Variants in KCNK13 observed in about 807,000 individuals in gnomAD.
KCNK13 encodes potassium two pore domain channel subfamily K member 13.
A neutral mutation model predicts 23.4 loss-of-function variants in KCNK13; 12 were observed. The ratio of observed to expected loss-of-function variants is 0.51; its 90% CI spans 0.33 to 0.83. KCNK13 has a LOEUF of 0.83. KCNK13 is among the 40% of genes least tolerant of loss of function. The pLI, the probability that KCNK13 is intolerant of heterozygous loss-of-function variation, is 0.02. For missense variants in KCNK13, 463 were observed against 556.3 expected (o/e 0.83, Z 1.69); for synonymous variants, 231 against 229.5 (o/e 1.01, Z -0.06).
At chr14:90,101,073 C>T (rs1303748418) in intron 1 of KCNK13, among the ~76,000 whole-genome samples, 1 of 152,130 alleles carries the variant, frequency 6.6e-6, no homozygotes, top group African/African-American at 2.4e-5. Context: ...GGAATTATGT[C>T]ATTCGAGGTA....
chr14:90,117,049 G>A (rs991752254), intron 1 of KCNK13, among the ~76,000 whole-genome samples: 1 of 152,058 alleles, frequency 6.6e-6, no homozygotes. Context: ...CAATAACTAA[G>A]AATAAAATAT....
At position 90,062,585 on chromosome 14, in the gene KCNK13, A is replaced by G; in HGVS notation, c.334+46A>G. On this transcript the variant is annotated intron_variant, in intron 1 of 1. Coordinates refer to ENST00000282146, the MANE Select transcript of KCNK13 (RefSeq NM_022054.4). This position sits in a 1 kb window ranked among gnomAD's most constrained non-coding sequence, Gnocchi z 4.5. The stretch of plus-strand genomic sequence containing the variant: ...CGCTGACAACCTCCGGGCGGCCTCC[A>G]CTTCCTCCGGGGGGCAGGACCGACC... 7.2e-7 allele frequency: 1 copy of G among 1,385,444 alleles called. No individual in the cohort carries two copies. The highest frequency in any genetic ancestry group is 1.5e-5 in the South Asian group (1 of 64,602). 85.8% of individuals were successfully genotyped at this position (1,385,444 alleles called of 1,614,324 possible).
At chr14:90,084,870 G>A (rs1200179267) in intron 1 of KCNK13, among the ~76,000 whole-genome samples, 1 of 152,086 alleles carries the variant, frequency 6.6e-6, no homozygotes. Context: ...CATCTATTGA[G>A]ATGATCATGT....
intron 1 of KCNK13, among the ~76,000 whole-genome samples, chr14:90,081,542 C>T (rs11625897): frequency 0.14 from 21,196 of 152,190 alleles, 1,801 homozygotes; most frequent in South Asian, 0.26. Flanking sequence ...TCATTTTTTA[C>T]ACCTACTGAT....
At chr14:90,086,643 T>TGG (rs1044057899) in intron 1 of KCNK13, among the ~76,000 whole-genome samples, 12 of 152,166 alleles carry the variant, frequency 7.9e-5, no homozygotes, top group Non-Finnish European at 1.6e-4. Context: ...GGAAGACGTC[T>TGG]GGGGGTCCCA....
chr14:90,062,136 C>A lies in KCNK13; in HGVS notation c.-70C>A. The A allele has an allele frequency of 9.5e-7, 1 of 1,052,164 alleles. No homozygotes were observed. Among genetic ancestry groups the A allele is most frequent in the Non-Finnish European group, 1.3e-6 (1 of 799,374 alleles). The allele number at this position is 1,052,164 out of a possible 1,614,324, so 65.2% of individuals were successfully genotyped here. On this transcript the variant is annotated 5_prime_UTR_variant, in exon 1 of 2. Transcript: ENST00000282146. This position sits in a 1 kb window ranked among gnomAD's most constrained non-coding sequence, Gnocchi z 4.5. The stretch of plus-strand genomic sequence containing the variant: ...GCTGAGCGCCGGGGCCCTTATTTCC[C>A]GGGGGTGTGGGCGAGACTCCGCCGA...
At chr14:90,161,777 C>T (rs186895977) in intron 1 of KCNK13, among the ~76,000 whole-genome samples, 113 of 152,118 alleles carry the variant, frequency 7.4e-4, no homozygotes, top group African/African-American at 2.7e-3. Flanking sequence ...TTCTAAAGCT[C>T]ATCAGGAAAA....
chr14:90,084,803 T>C (rs1171177497), intron 1 of KCNK13, among the ~76,000 whole-genome samples: 2 of 152,208 alleles, frequency 1.3e-5, no homozygotes, highest in Non-Finnish European at 2.9e-5. Context: ...CTATTTCTAG[T>C]GTGTTGAATG....
At chr14:90,095,641 T>C (rs1474983126) in intron 1 of KCNK13, among the ~76,000 whole-genome samples, 3 of 152,042 alleles carry the variant, frequency 2.0e-5, no homozygotes, top group Non-Finnish European at 4.4e-5. Context: ...TTTTCTATTC[T>C]CTCAGTCAAC....
chr14:90,091,531 G>C (rs1333064267), intron 1 of KCNK13, among the ~76,000 whole-genome samples: 1 of 152,202 alleles, frequency 6.6e-6, no homozygotes, highest in Non-Finnish European at 1.5e-5. Context: ...CTAAGGTCTT[G>C]TTGGATACCA....
intron 1 of KCNK13, among the ~76,000 whole-genome samples, chr14:90,064,954 G>A (rs2140385361): frequency 6.6e-6 from 1 of 152,240 alleles, no homozygotes; most frequent in African/African-American, 2.4e-5. Context: ...AACTCCATGA[G>A]GTAGGCATAA....
chr14:90,184,397 C>A lies in KCNK13; in HGVS notation c.621C>A (p.Leu207=), dbSNP rs1462286557. Residue 207 remains leucine (L), a synonymous_variant, in exon 2 of 2, where the codon CTC becomes CTA. Transcript: ENST00000282146. This position sits in a 1 kb window ranked among gnomAD's most constrained non-coding sequence, Gnocchi z 5.6. Reference sequence around the variant, plus strand: ...TGATCCTATGCACAGCCTCCATCCTCATCTCTTGCTGCGCCTCAGCCATGT... The same window carrying A: ...TGATCCTATGCACAGCCTCCATCCTAATCTCTTGCTGCGCCTCAGCCATGT... ...VMLILCTASI[L]ISCCASAMYT... The A allele has an allele frequency of 6.2e-7, 1 of 1,614,128 alleles. No individual in the cohort carries two copies. The highest frequency in any genetic ancestry group is 8.5e-7 in the Non-Finnish European group (1 of 1,180,062).
chr14:90,071,069 T>A (rs953738918), intron 1 of KCNK13, among the ~76,000 whole-genome samples: 1 of 152,246 alleles, frequency 6.6e-6, no homozygotes, highest in Non-Finnish European at 1.5e-5. Flanking sequence ...ATGCTCATCT[T>A]AGCCCATTGC....
intron 1 of KCNK13, among the ~76,000 whole-genome samples, chr14:90,093,259 C>T (rs17126551): frequency 0.22 from 33,465 of 152,100 alleles, 3,731 homozygotes; most frequent in Middle Eastern, 0.26. Flanking sequence ...TCTGTGTCAC[C>T]CTCAAAGCCT....
At chr14:90,107,402 T>C (rs1347563448) in intron 1 of KCNK13, among the ~76,000 whole-genome samples, 7 of 151,996 alleles carry the variant, frequency 4.6e-5, no homozygotes, top group Admixed American at 1.3e-4. Context: ...GGCGTGAACC[T>C]GGGAGGCAGA....
At chr14:90,143,016 C>G (rs1254556217) in intron 1 of KCNK13, among the ~76,000 whole-genome samples, 1 of 152,164 alleles carries the variant, frequency 6.6e-6, no homozygotes, top group Non-Finnish European at 1.5e-5. Flanking sequence ...GTAGATTCCT[C>G]TGGTGCCAAT....
rs541542023 is a variant in KCNK13, at chr14:90,160,511, G to A, written c.335-23600G>A. Among the ~76,000 whole-genome samples, 12 of 152,190 alleles carry A rather than the reference G, an allele frequency of 7.9e-5. No homozygotes were observed. The South Asian group carries it at 2.1e-3, about 26-fold the overall frequency. Reference sequence around the variant, plus strand: ...AAAGATGAGTACTTATATTTTGGGTGATTTTTTATTTTTGTGTTTGGGTAG... The same window carrying A: ...AAAGATGAGTACTTATATTTTGGGTAATTTTTTATTTTTGTGTTTGGGTAG... On this transcript the variant is annotated intron_variant, in intron 1 of 1. Transcript: ENST00000282146.
intron 1 of KCNK13, among the ~76,000 whole-genome samples, chr14:90,081,796 C>T (rs914138741): frequency 2.6e-5 from 4 of 152,106 alleles, no homozygotes; most frequent in African/African-American, 9.7e-5. Context: ...CCCAGTGTGG[C>T]AGTGTTGGGA....
chr14:90,111,265 G>A (rs1337506477), intron 1 of KCNK13, among the ~76,000 whole-genome samples: 2 of 152,196 alleles, frequency 1.3e-5, no homozygotes, highest in Admixed American at 1.3e-4. Flanking sequence ...AGGATGGAGA[G>A]TTGGCCACCC....
Sources: gnomAD v4.1 joint callset for allele counts (sites outside exome capture counted in the v4.1 genomes callset) on GRCh38, gnomAD v4.1.1 for gene constraint, Gnocchi (gnomAD v3.1) non-coding constraint, MANE v1.5 for transcripts, NCBI Gene and HGNC (gene_info 2026-07-23, HGNC 2026-07-21) for gene names.